The following SYNE2 variants were observed in gnomAD, a reference collection of about 807,000 sequenced individuals.
SYNE2 encodes the protein spectrin repeat containing nuclear envelope protein 2.
In SYNE2, 431 loss-of-function variants were observed where a neutral mutation model predicts 856.3. The observed-to-expected ratio is 0.50, with a 90% confidence interval of 0.47 to 0.55. The LOEUF (loss-of-function observed/expected upper bound fraction) is 0.55. SYNE2 is among the 20% of genes least tolerant of loss of function. The pLI is 0.00. For missense variants in SYNE2, 8,129 were observed against 8,023.2 expected, an observed-to-expected ratio of 1.01 and a Z score of -0.50; for synonymous variants, 2,923 against 2,872.3, an observed-to-expected ratio of 1.02 and a Z score of -0.56.
intron 64 of SYNE2, among the ~76,000 whole-genome samples, chr14:64,106,345 GTAAT>G (rs1034058504): frequency 1.3e-5 from 2 of 152,024 alleles, no homozygotes; most frequent in African/African-American, 4.8e-5. Context: ...TATTTATAGA[GTAAT>G]TAATATATTA....
chr14:64,177,425 G>A lies in SYNE2; in HGVS notation c.17498G>A (p.Ser5833Asn), dbSNP rs780155648. 6.2e-7 allele frequency: 1 copy of A among 1,614,168 alleles called. No homozygotes were observed. Among genetic ancestry groups the A allele is most frequent in the Non-Finnish European group, 8.5e-7 (1 of 1,180,044 alleles). ...AGGCTGCAAGTTTTAAAGGCACAAA[G>A]TGAAGATCCTCTTCCAGAGCTTCAC... ...KSRLQVLKAQ[S>N]EDPLPELHED... Residue 5833 changes from serine to asparagine, a missense_variant, in exon 96 of 116, where the codon AGT becomes AAT. Around this residue, in one of 3 missense-constraint regions of SYNE2, gnomAD observed 5,410 missense variants for 5,284.8 expected, o/e 1.02. Coordinates refer to ENST00000555002, the MANE Select transcript of SYNE2 (RefSeq NM_182914.3).
intron 51 of SYNE2, among the ~76,000 whole-genome samples, chr14:64,070,196 A>G (rs1836402383): frequency 6.6e-6 from 1 of 152,312 alleles, no homozygotes; most frequent in African/African-American, 2.4e-5. Context: ...GGGTAATGAG[A>G]ACCTGCTGGC....
At position 64,128,572 on chromosome 14, in the gene SYNE2, T is replaced by C. The variant is rs1180306562; in HGVS notation, c.14019+19T>C. On this transcript the variant is annotated intron_variant, in intron 74 of 115. Transcript: ENST00000555002. ...GCTTCAGGTAATCAAGTCAAAATAA[T>C]TCAGACTGACTTAACTTTGAACCAC... The C allele has an allele frequency of 6.8e-7, 1 of 1,476,070 alleles. No homozygotes were observed. The highest frequency in any genetic ancestry group is 1.1e-5 in the South Asian group (1 of 88,238). The allele number at this position is 1,476,070 out of a possible 1,614,324, so 91.4% of individuals were successfully genotyped here.
intron 9 of SYNE2, among the ~76,000 whole-genome samples, chr14:63,962,762 G>A (rs547713820): frequency 1.3e-4 from 20 of 152,088 alleles, no homozygotes; most frequent in African/African-American, 3.1e-4. Flanking sequence ...GGCTGGTCTC[G>A]AACTCCTGGC....
chr14:63,941,032 C>G (rs771614557), intron 3 of SYNE2, among the ~76,000 whole-genome samples: 2 of 152,154 alleles, frequency 1.3e-5, no homozygotes, highest in Admixed American at 1.3e-4. Context: ...ATTATGACAA[C>G]TCCTGACAAA....
At chr14:63,796,828 T>C (rs1443661690) in intron 1 of SYNE2, among the ~76,000 whole-genome samples, 3 of 151,638 alleles carry the variant, frequency 2.0e-5, no homozygotes, top group African/African-American at 7.3e-5. Context: ...AAAAAAGAAA[T>C]AGGCACTTTG....
Position 64,044,605 on chromosome 14 carries a change from G to A in SYNE2, c.7222-3395G>A, listed in dbSNP as rs546949538. On this transcript the variant is annotated intron_variant, in intron 45 of 115. Transcript: ENST00000555002. ...CCCCACCCAAATCTCATCTTGAATT[G>A]TAACTCCCACAATTCCCATGTGTCA... Among the ~76,000 whole-genome samples, 4 of 152,246 alleles carry A rather than the reference G, an allele frequency of 2.6e-5. No homozygotes were observed. The East Asian group carries it at 5.8e-4, about 22-fold the overall frequency.
chr14:63,799,084 G>C (rs1595120305), intron 1 of SYNE2, among the ~76,000 whole-genome samples: 2 of 152,260 alleles, frequency 1.3e-5, no homozygotes, highest in Middle Eastern at 6.8e-3. Flanking sequence ...GCTTTGTTTT[G>C]TTTTGTTTTT....
intron 50 of SYNE2, among the ~76,000 whole-genome samples, chr14:64,063,111 T>C (rs2097330195): frequency 6.6e-6 from 1 of 152,238 alleles, no homozygotes; most frequent in African/African-American, 2.4e-5. Context: ...TCATGCAGTC[T>C]TGGCTCACTG....
chr14:64,081,325 G>A (rs921939737), intron 56 of SYNE2, 118 bp from the exon 57 acceptor site: 1 of 1,253,516 alleles, frequency 8.0e-7, no homozygotes, highest in Non-Finnish European at 1.2e-6. Flanking sequence ...GCCATGGGGA[G>A]CAGACATCTG....
At chr14:63,959,818 T>C (rs1171289066) in intron 8 of SYNE2, among the ~76,000 whole-genome samples, 6 of 152,190 alleles carry the variant, frequency 3.9e-5, no homozygotes, top group African/African-American at 1.4e-4. Context: ...TTTTCTTATA[T>C]TATGATTCTC....
At position 64,159,754 on chromosome 14, in the gene SYNE2, AACAG is replaced by A. The variant is rs549547716; in HGVS notation, c.16094+316_16094+319del. On this transcript the variant is annotated intron_variant, in intron 87 of 115. Coordinates refer to ENST00000555002, the MANE Select transcript of SYNE2 (RefSeq NM_182914.3). Reference sequence around the variant, plus strand: ...CGGAAACACCAAAGTCAGAGGCAGAAACAGACAAAGGAGTGGGCCAGATGGGCAT... The same window carrying A: ...CGGAAACACCAAAGTCAGAGGCAGAAACAAAGGAGTGGGCCAGATGGGCAT... Among the ~76,000 whole-genome samples, 15 of 152,376 alleles carry A rather than the reference AACAG, an allele frequency of 9.8e-5. No homozygotes were observed. In the South Asian group the frequency reaches 2.9e-3, roughly 29 times the overall value.
chr14:63,813,706 G>A lies in SYNE2; in HGVS notation c.-304-38795G>A, dbSNP rs112074370. 5.7e-3 allele frequency among the ~76,000 whole-genome samples: 871 copies of A among 152,150 alleles called. 5 individuals are homozygous for A. The highest frequency in any genetic ancestry group is 0.019 in the African/African-American group (805 of 41,508). ...TGGGAGGCCCAGGGGAGTGGATCACGAGGTCAGAAATTCAACACCAGCCTG... is the reference window on the plus strand; with the variant it reads ...TGGGAGGCCCAGGGGAGTGGATCACAAGGTCAGAAATTCAACACCAGCCTG... On this transcript the variant is annotated intron_variant, in intron 1 of 23. Coordinates refer to the SYNE2 transcript ENST00000674003.
intron 1 of SYNE2, among the ~76,000 whole-genome samples, chr14:63,819,548 T>G (rs1374144723): frequency 6.6e-6 from 1 of 151,518 alleles, no homozygotes; most frequent in East Asian, 1.9e-4. Context: ...TTTCTTTTTT[T>G]TTTTTTGAGA....
chr14:64,129,441 G>C (rs1479533046), intron 74 of SYNE2, among the ~76,000 whole-genome samples: 1 of 152,222 alleles, frequency 6.6e-6, no homozygotes, highest in Non-Finnish European at 1.5e-5. Context: ...CCTTACAATA[G>C]CATGCTGTGT....
At chr14:64,206,442 G>A (rs965463875) in intron 100 of SYNE2, among the ~76,000 whole-genome samples, 3 of 151,970 alleles carry the variant, frequency 2.0e-5, no homozygotes, top group Non-Finnish European at 4.4e-5. Flanking sequence ...TTAAAATGTA[G>A]TCTATCACTT....
chr14:64,128,352 A>G (rs949263277), intron 73 of SYNE2, 100 bp from the exon 74 acceptor site: 3 of 696,198 alleles, frequency 4.3e-6, no homozygotes, highest in Non-Finnish European at 7.8e-6. Context: ...TATTTGTTTG[A>G]AATTTCTAGT....
At chr14:63,761,954 G>C in exon 1 of SYNE2, 1 of 323,078 alleles carries the variant, frequency 3.1e-6, no homozygotes, top group Non-Finnish European at 6.5e-6. Context: ...ACGGGGTGAC[G>C]CTGGCTGCGG....
chr14:63,817,029 A>G (rs907337172), intron 1 of SYNE2, among the ~76,000 whole-genome samples: 1 of 152,154 alleles, frequency 6.6e-6, no homozygotes. Flanking sequence ...CTACAAGTGC[A>G]CACCACCATG....
Sources: gnomAD v4.1 joint callset for allele counts (sites outside exome capture counted in the v4.1 genomes callset) on GRCh38, gnomAD v4.1.1 for gene constraint, gnomAD v4.1.1 regional missense constraint, MANE v1.5 for transcripts, NCBI Gene and HGNC (gene_info 2026-07-23, HGNC 2026-07-21) for gene names.